DTNB: variants seen among roughly 807,000 people sequenced by gnomAD.
The protein encoded by DTNB is dystrobrevin beta, also known as DTN-B.
Under a neutral mutation model 90.7 loss-of-function variants are expected in DTNB, and 63 were observed. The ratio of observed to expected loss-of-function variants is 0.69; its 90% CI spans 0.57 to 0.86. The LOEUF is 0.86. Ranked by LOEUF, DTNB falls within the 40% of genes least tolerant of loss-of-function variation. The pLI is 0.00. For missense variants in DTNB, 744 were observed against 807.1 expected (o/e 0.92, Z 0.95); for synonymous variants, 277 against 286.7 (o/e 0.97, Z 0.34).
intron 10 of DTNB, among the ~76,000 whole-genome samples, chr2:25,456,301 A>AATGG (rs2060016578): frequency 6.6e-6 from 1 of 152,174 alleles, no homozygotes; most frequent in Non-Finnish European, 1.5e-5. Flanking sequence ...CTAAAAGCAA[A>AATGG]CCCCAGGCAA....
At chr2:25,420,700 C>T (rs1207580759) in intron 15 of DTNB, among the ~76,000 whole-genome samples, 1 of 152,130 alleles carries the variant, frequency 6.6e-6, no homozygotes, top group Non-Finnish European at 1.5e-5. Context: ...TCAGGCTGGT[C>T]TCTAACTCCT....
chr2:25,453,430 C>T (rs1479538936), intron 11 of DTNB, among the ~76,000 whole-genome samples: 1 of 152,134 alleles, frequency 6.6e-6, no homozygotes, highest in African/African-American at 2.4e-5. Context: ...AAGTATGAAG[C>T]TCAGCTTCTT....
chr2:25,569,822 G>A (rs2059556070), intron 8 of DTNB, among the ~76,000 whole-genome samples: 1 of 152,158 alleles, frequency 6.6e-6, no homozygotes, highest in Admixed American at 6.5e-5. Flanking sequence ...TGGTGGCCGG[G>A]CGTGGTGGCT....
intron 10 of DTNB, among the ~76,000 whole-genome samples, chr2:25,474,527 C>A (rs1054537236): frequency 6.6e-6 from 1 of 152,178 alleles, no homozygotes; most frequent in Non-Finnish European, 1.5e-5. Flanking sequence ...TTTCCCCCAA[C>A]ATCTCTATTG....
chr2:25,433,378 T>C (rs1417113299), intron 13 of DTNB, among the ~76,000 whole-genome samples: 1 of 152,136 alleles, frequency 6.6e-6, no homozygotes, highest in Non-Finnish European at 1.5e-5. Flanking sequence ...TGCCCCTTCC[T>C]TCCCTCTGTC....
intron 9 of DTNB, among the ~76,000 whole-genome samples, chr2:25,505,563 T>C (rs1418734634): frequency 6.6e-6 from 1 of 152,194 alleles, no homozygotes. Flanking sequence ...AAGGTTTACA[T>C]GGTTGAGTTA....
chr2:25,555,378 T>C (rs762963756), intron 8 of DTNB, among the ~76,000 whole-genome samples: 3 of 151,534 alleles, frequency 2.0e-5, no homozygotes, highest in Non-Finnish European at 2.9e-5. Flanking sequence ...ATGCTTGATA[T>C]ATTTCATAAT....
At chr2:25,647,694 G>A (rs1446280635) in intron 2 of DTNB, among the ~76,000 whole-genome samples, 2 of 152,004 alleles carry the variant, frequency 1.3e-5, no homozygotes, top group Non-Finnish European at 2.9e-5. Context: ...GGGCAACAGA[G>A]CAATACCCTG....
At chr2:25,651,388 G>A (rs747273964) in intron 2 of DTNB, among the ~76,000 whole-genome samples, 34 of 152,360 alleles carry the variant, frequency 2.2e-4, no homozygotes, top group Non-Finnish European at 3.4e-4. Context: ...CAAAGCTGCT[G>A]TGGCGTGACG....
At chr2:25,473,105 G>C (rs2063116869) in intron 10 of DTNB, among the ~76,000 whole-genome samples, 1 of 152,186 alleles carries the variant, frequency 6.6e-6, no homozygotes, top group Non-Finnish European at 1.5e-5. Context: ...GCAAAGAAAA[G>C]ACTAAATTGG....
At chr2:25,505,016 T>C (rs2072018465) in intron 9 of DTNB, among the ~76,000 whole-genome samples, 2 of 152,234 alleles carry the variant, frequency 1.3e-5, no homozygotes, top group African/African-American at 2.4e-5. Context: ...GAGATATTCA[T>C]AAATTGCCCA....
intron 8 of DTNB, among the ~76,000 whole-genome samples, chr2:25,571,128 ACTC>A (rs1457073969): frequency 6.6e-6 from 1 of 151,946 alleles, no homozygotes; most frequent in Admixed American, 6.6e-5. Context: ...CTTTTCCTTG[ACTC>A]CTCCGCTCTC....
intron 10 of DTNB, among the ~76,000 whole-genome samples, chr2:25,474,018 T>C (rs1163617537): frequency 1.3e-5 from 2 of 152,250 alleles, no homozygotes; most frequent in Non-Finnish European, 2.9e-5. Flanking sequence ...CTATTAGTTA[T>C]TATGCTTCTG....
intron 1 of DTNB, among the ~76,000 whole-genome samples, chr2:25,661,069 T>C (rs1310592289): frequency 6.6e-6 from 1 of 152,256 alleles, no homozygotes; most frequent in East Asian, 1.9e-4. Context: ...ATCTCTAATA[T>C]GTTTACTGGT....
chr2:25,419,102 T>C (rs1574111201), intron 16 of DTNB: 2 of 199,784 alleles, frequency 1.0e-5, no homozygotes, highest in African/African-American at 2.3e-5. Context: ...CTGCAGGACA[T>C]CTATAGTTAG....
chr2:25,624,561 T>G (rs940774142), intron 4 of DTNB, among the ~76,000 whole-genome samples: 2 of 152,156 alleles, frequency 1.3e-5, no homozygotes, highest in African/African-American at 2.4e-5. Flanking sequence ...TCTGGACCCC[T>G]CAGTTTGTCA....
At chr2:25,579,713 TGAG>T (rs1410773983) in intron 7 of DTNB, among the ~76,000 whole-genome samples, 16 of 150,712 alleles carry the variant, frequency 1.1e-4, no homozygotes, top group Admixed American at 8.6e-4. Flanking sequence ...GGAAAAAAAA[TGAG>T]GAAAAAAAAA....
At chr2:25,449,315 A>G (rs2058916646) in intron 12 of DTNB, among the ~76,000 whole-genome samples, 1 of 152,220 alleles carries the variant, frequency 6.6e-6, no homozygotes, top group Non-Finnish European at 1.5e-5. Context: ...GCTTTTTGTG[A>G]ACATGTTTTC....
At chr2:25,600,965 T>C (rs2065757498) in intron 5 of DTNB, among the ~76,000 whole-genome samples, 3 of 152,224 alleles carry the variant, frequency 2.0e-5, no homozygotes, top group Admixed American at 2.0e-4. Flanking sequence ...TAATGAGACA[T>C]ACTGCTAGAC....
Sources: allele counts gnomAD v4.1 joint callset (sites outside exome capture counted in the v4.1 genomes callset), GRCh38; gene constraint gnomAD v4.1.1; transcripts MANE v1.5; gene names NCBI Gene and HGNC (gene_info 2026-07-23, HGNC 2026-07-21).